CHRDL1: variants seen among roughly 807,000 people sequenced by gnomAD.
The protein encoded by CHRDL1 is chordin like 1.
Under a neutral mutation model 40.9 loss-of-function variants are expected in CHRDL1, and 19 were observed. The ratio of observed to expected loss-of-function variants is 0.46; its 90% confidence interval spans 0.32 to 0.68. The LOEUF (loss-of-function observed/expected upper bound fraction) is 0.68, where lower values mean the gene tolerates loss of function less well. Ranked by LOEUF, CHRDL1 falls within the 30% of genes least tolerant of loss-of-function variation. The pLI is 0.03. For missense variants in CHRDL1, 329 were observed against 352.1 expected, an observed-to-expected ratio of 0.93 and a Z score of 0.53; for synonymous variants, 136 against 123.4, an observed-to-expected ratio of 1.10 and a Z score of -0.68.
At chrX:110,763,109 T>A (rs749343080) in intron 2 of CHRDL1, among the ~76,000 whole-genome samples, 1 of 111,494 alleles carries the variant, frequency 9.0e-6, no homozygotes, top group Non-Finnish European at 1.9e-5. Flanking sequence ...GACAATGATG[T>A]ACAAAATCTT....
chrX:110,760,977 C>G (rs2148507838), intron 3 of CHRDL1, among the ~76,000 whole-genome samples: 1 of 110,951 alleles, frequency 9.0e-6, no homozygotes, highest in African/African-American at 3.3e-5. Context: ...GAATTCTGTT[C>G]TAGAGCTAAT....
chrX:110,712,474 G>A (rs2070763410), intron 6 of CHRDL1, among the ~76,000 whole-genome samples: 1 of 111,751 alleles, frequency 8.9e-6, no homozygotes, highest in Non-Finnish European at 1.9e-5. Flanking sequence ...TGGAAAGTAG[G>A]TTAAGGAAGG....
chrX:110,725,758 T>C (rs753041187), intron 4 of CHRDL1, among the ~76,000 whole-genome samples: 7 of 112,183 alleles, frequency 6.2e-5, no homozygotes, highest in Non-Finnish European at 9.4e-5. Context: ...GCTAATCTCC[T>C]TGACGCCAAG....
intron 8 of CHRDL1, among the ~76,000 whole-genome samples, 172 bp downstream of exon 8, chrX:110,693,991 C>G (rs756751265): frequency 1.8e-5 from 2 of 111,275 alleles, no homozygotes; most frequent in East Asian, 5.7e-4. Flanking sequence ...TAAGGAAGTC[C>G]AAAGAGTCTC....
At position 110,681,632 on chromosome X, in the gene CHRDL1, T is replaced by G; in HGVS notation, c.1006A>C (p.Ser336Arg). Reference protein sequence around the residue: ...KKAKEELPGQSFDNKGYFCGE... With the variant: ...KKAKEELPGQRFDNKGYFCGE... ...CAGAAGTAGCCTTTATTGTCAAAGC[T>G]TTGGCCTGGAAGTTCTTCTGGAATC... Residue 336 changes from serine to arginine, a missense_variant, in exon 10 of 12, where the codon AGC becomes CGC. Transcript: ENST00000372042. 8.3e-7 allele frequency: 1 copy of G among 1,204,066 alleles called. No individual in the cohort carries two copies.
chrX:110,780,427 ACC>A (rs1168946621), intron 2 of CHRDL1, among the ~76,000 whole-genome samples: 1 of 111,508 alleles, frequency 9.0e-6, no homozygotes, highest in Admixed American at 9.5e-5. Flanking sequence ...TAAATAGTTT[ACC>A]CATACCTCAT....
chrX:110,720,345 A>T (rs2070926926), intron 5 of CHRDL1, among the ~76,000 whole-genome samples: 1 of 111,728 alleles, frequency 9.0e-6, no homozygotes, highest in Admixed American at 9.5e-5. Flanking sequence ...TCTCCCTTCC[A>T]AACCAAAGGA....
intron 2 of CHRDL1, among the ~76,000 whole-genome samples, chrX:110,768,212 T>C (rs914706569): frequency 6.2e-5 from 7 of 112,358 alleles, no homozygotes; most frequent in Admixed American, 5.7e-4. Context: ...CCTACACATG[T>C]TAACATCACT....
At chrX:110,713,043 C>T (rs192240659) in intron 6 of CHRDL1, among the ~76,000 whole-genome samples, 1 of 111,018 alleles carries the variant, frequency 9.0e-6, no homozygotes. Flanking sequence ...AGTTATCTCC[C>T]TAATTTTTGA....
intron 1 of CHRDL1, among the ~76,000 whole-genome samples, chrX:110,793,172 A>C (rs1246764639): frequency 1.8e-5 from 2 of 112,378 alleles, no homozygotes; most frequent in Non-Finnish European, 3.8e-5. Context: ...AAATGAACTC[A>C]TTGATCTTTC....
At chrX:110,717,569 T>A (rs1419551465) in intron 6 of CHRDL1, among the ~76,000 whole-genome samples, 1 of 111,507 alleles carries the variant, frequency 9.0e-6, no homozygotes, top group Non-Finnish European at 1.9e-5. Flanking sequence ...ACTCACTAGC[T>A]ACCTGACCTT....
At chrX:110,729,644 G>A (rs1483949271) in intron 4 of CHRDL1, among the ~76,000 whole-genome samples, 1 of 112,128 alleles carries the variant, frequency 8.9e-6, no homozygotes, top group Non-Finnish European at 1.9e-5. Flanking sequence ...ACCGGGTAAA[G>A]AGTGTGAAAC....
intron 2 of CHRDL1, among the ~76,000 whole-genome samples, chrX:110,764,153 T>A (rs1229487860): frequency 8.9e-6 from 1 of 112,323 alleles, no homozygotes; most frequent in Non-Finnish European, 1.9e-5. Flanking sequence ...CTTTGTCAGA[T>A]GTATAGATTG....
intron 4 of CHRDL1, among the ~76,000 whole-genome samples, chrX:110,739,706 AT>A (rs1242298348): frequency 8.9e-6 from 1 of 112,329 alleles, no homozygotes; most frequent in Non-Finnish European, 1.9e-5. Context: ...GTCTTTGCAG[AT>A]ATATTCCTTC....
chrX:110,763,250 A>G (rs933260719), intron 2 of CHRDL1, among the ~76,000 whole-genome samples: 4 of 109,303 alleles, frequency 3.7e-5, no homozygotes, highest in Non-Finnish European at 3.8e-5. Context: ...ACTGCACCAT[A>G]TTTGTTGTCT....
chrX:110,704,662 A>G (rs765888474), intron 6 of CHRDL1, among the ~76,000 whole-genome samples: 57 of 111,583 alleles, frequency 5.1e-4, no homozygotes, highest in Non-Finnish European at 1.1e-3. Context: ...AAATCTGGAG[A>G]GCTGGGGACA....
intron 6 of CHRDL1, among the ~76,000 whole-genome samples, chrX:110,711,819 A>G (rs2070751315): frequency 8.9e-6 from 1 of 112,233 alleles, no homozygotes; most frequent in South Asian, 3.7e-4. Flanking sequence ...GTAAAATGGC[A>G]CTTATCTTGA....
chrX:110,769,293 C>T (rs2089714368), intron 2 of CHRDL1, among the ~76,000 whole-genome samples: 1 of 112,369 alleles, frequency 8.9e-6, no homozygotes, highest in Admixed American at 9.4e-5. Flanking sequence ...CAATACTCCT[C>T]TTATAATAAA....
chrX:110,780,408 C>T (rs928735752), intron 2 of CHRDL1, among the ~76,000 whole-genome samples: 4 of 111,137 alleles, frequency 3.6e-5, no homozygotes, highest in Non-Finnish European at 7.6e-5. Context: ...CAGAACATTC[C>T]TGTGCCATTA....
Sources: gnomAD v4.1 joint callset for allele counts (sites outside exome capture counted in the v4.1 genomes callset) on GRCh38, gnomAD v4.1.1 for gene constraint, MANE v1.5 for transcripts, NCBI Gene and HGNC (gene_info 2026-07-23, HGNC 2026-07-21) for gene names.